The following PRKCB variants were observed in gnomAD, a reference collection of about 807,000 sequenced individuals.
PRKCB encodes protein kinase C beta, also known as protein kinase C beta type.
Under a neutral mutation model 81.5 loss-of-function variants are expected in PRKCB, and 13 were observed. The ratio of observed to expected loss-of-function variants is 0.16; its 90% confidence interval spans 0.10 to 0.25. The LOEUF is 0.25. PRKCB is among the 10% of genes least tolerant of loss of function. The probability of loss-of-function intolerance (pLI) is 1.00; values close to 1 mark genes in which losing one functional copy is unlikely to be tolerated. For missense variants in PRKCB, 509 were observed against 875.7 expected (o/e 0.58, Z 5.29); for synonymous variants, 335 against 321.4 (o/e 1.04, Z -0.45).
Position 24,209,373 on chromosome 16 carries a change from G to A in PRKCB, c.1864-5285G>A, listed in dbSNP as rs143502197. On this transcript the variant is annotated intron_variant, in intron 16 of 16. Coordinates refer to ENST00000643927, the MANE Select transcript of PRKCB (RefSeq NM_002738.7). Reference sequence around the variant, plus strand: ...ATGACTGCGGCAGTCTCTCCCCGATGCCACGGCCACCAATCTAGCTCCCCA... The same window carrying A: ...ATGACTGCGGCAGTCTCTCCCCGATACCACGGCCACCAATCTAGCTCCCCA... 5.7e-3 allele frequency among the ~76,000 whole-genome samples: 868 copies of A among 152,196 alleles called. 13 individuals are homozygous for A. Among genetic ancestry groups the A allele is most frequent in the African/African-American group, 0.02 (826 of 41,504 alleles).
chr16:24,081,246 T>C (rs1966245615), intron 5 of PRKCB, among the ~76,000 whole-genome samples: 1 of 151,374 alleles, frequency 6.6e-6, no homozygotes, highest in Non-Finnish European at 1.5e-5. Context: ...ATCCTGAGAA[T>C]GCAAGCTGGC....
chr16:24,084,865 C>T lies in PRKCB; in HGVS notation c.530-7926C>T, dbSNP rs191988493. On this transcript the variant is annotated intron_variant, in intron 5 of 16. Coordinates refer to ENST00000643927, the MANE Select transcript of PRKCB (RefSeq NM_002738.7). Reference sequence around the variant, plus strand: ...CCCAATAGGTTTGACAAGCAGTGTGCGGGACTTTGCTGTGGTTGGAGATCA... The same window carrying T: ...CCCAATAGGTTTGACAAGCAGTGTGTGGGACTTTGCTGTGGTTGGAGATCA... Among the ~76,000 whole-genome samples the T allele has an allele frequency of 2.7e-3, 416 of 152,134 alleles. 2 individuals are homozygous for T. The highest frequency in any genetic ancestry group is 9.0e-3 in the African/African-American group (372 of 41,492).
intron 5 of PRKCB, among the ~76,000 whole-genome samples, chr16:24,085,459 C>G (rs1172599200): frequency 2.6e-5 from 4 of 152,196 alleles, no homozygotes; most frequent in African/African-American, 7.2e-5. Context: ...TGTTGAGCCT[C>G]TGCCATGTGC....
intron 11 of PRKCB, among the ~76,000 whole-genome samples, chr16:24,172,983 G>A (rs570420637): frequency 7.9e-5 from 12 of 152,298 alleles, no homozygotes; most frequent in Middle Eastern, 3.4e-3. Context: ...TTACAAACAA[G>A]GAAATGGAGA....
intron 9 of PRKCB, among the ~76,000 whole-genome samples, chr16:24,147,938 T>C (rs1213892720): frequency 1.3e-5 from 2 of 152,214 alleles, no homozygotes; most frequent in African/African-American, 2.4e-5. Context: ...GCCCTTTTTT[T>C]CCTTGGCACA....
At chr16:24,059,977 AGAG>A (rs1374151538) in intron 5 of PRKCB, among the ~76,000 whole-genome samples, 3 of 152,168 alleles carry the variant, frequency 2.0e-5, no homozygotes, top group African/African-American at 4.8e-5. Context: ...GGATGTGGAA[AGAG>A]GAGTGTAGAC....
intron 3 of PRKCB, among the ~76,000 whole-genome samples, chr16:24,006,942 G>A (rs1965131395): frequency 6.6e-6 from 1 of 152,200 alleles, no homozygotes; most frequent in South Asian, 2.1e-4. Context: ...TTGGATGACA[G>A]GCTTCACCTG....
At chr16:23,947,693 C>G (rs1438305309) in intron 2 of PRKCB, among the ~76,000 whole-genome samples, 2 of 151,958 alleles carry the variant, frequency 1.3e-5, no homozygotes, top group African/African-American at 4.8e-5. Flanking sequence ...GGGTTCAATC[C>G]AAACCTTTTG....
chr16:23,843,740 C>T (rs1962308766), intron 2 of PRKCB, among the ~76,000 whole-genome samples: 1 of 141,056 alleles, frequency 7.1e-6, no homozygotes. Context: ...AATGATACTC[C>T]AGAGATACTG....
chr16:24,012,637 T>A (rs1010904226), intron 3 of PRKCB, among the ~76,000 whole-genome samples: 1 of 152,266 alleles, frequency 6.6e-6, no homozygotes, highest in Non-Finnish European at 1.5e-5. Flanking sequence ...TTGAAGTGGC[T>A]GCGAAGCAGG....
At chr16:23,882,118 A>C (rs1963133846) in intron 2 of PRKCB, among the ~76,000 whole-genome samples, 1 of 135,332 alleles carries the variant, frequency 7.4e-6, no homozygotes, top group African/African-American at 2.8e-5. Flanking sequence ...TGTTTCTCGC[A>C]GGCCAGGCTG....
chr16:24,204,903 C>T (rs556168310), intron 16 of PRKCB, among the ~76,000 whole-genome samples: 3 of 152,006 alleles, frequency 2.0e-5, no homozygotes, highest in South Asian at 2.1e-4. Context: ...GTGCAGATCA[C>T]GAGGTCAGGA....
rs149608576 is a variant in PRKCB, at chr16:24,028,727, C to T, written c.289-3409C>T. ...ACACTGTATCCATTCACACGTCGAA[C>T]GACATTTGGGTCCTTTCCAGTTTGG... On this transcript the variant is annotated intron_variant, in intron 3 of 16. Transcript: ENST00000643927. Among the ~76,000 whole-genome samples the T allele has an allele frequency of 9.3e-3, 1,411 of 152,278 alleles. 12 individuals are homozygous for T. Among genetic ancestry groups the T allele is most frequent in the Middle Eastern group, 0.045 (13 of 290 alleles).
In PRKCB at chr16:23,911,128, C is replaced by CTTTTTTTTTTT. The variant is rs567904157; in HGVS notation, c.205+73737_205+73747dup. 7.6e-4 allele frequency among the ~76,000 whole-genome samples: 24 copies of CTTTTTTTTTTT among 31,556 alleles called. 8 individuals are homozygous for CTTTTTTTTTTT. The highest frequency in any genetic ancestry group is 2.6e-3 in the East Asian group (2 of 778). 20.7% of individuals were successfully genotyped at this position (31,556 alleles called of 152,430 possible). On this transcript the variant is annotated intron_variant, in intron 2 of 16. Transcript: ENST00000643927. The stretch of plus-strand genomic sequence containing the variant: ...ATAAATAGCCATAAACGTATATATG[C>CTTTTTTTTTTT]TTTTTTTTTTTTTTTTTTTTTTTTT...
At chr16:24,052,644 C>T (rs935102764) in intron 5 of PRKCB, among the ~76,000 whole-genome samples, 10 of 152,164 alleles carry the variant, frequency 6.6e-5, no homozygotes, top group South Asian at 2.1e-4. Context: ...GTTGCCATGA[C>T]GATTGTAAAC....
At chr16:24,058,429 A>T (rs1239852022) in intron 5 of PRKCB, among the ~76,000 whole-genome samples, 1 of 152,098 alleles carries the variant, frequency 6.6e-6, no homozygotes, top group Non-Finnish European at 1.5e-5. Flanking sequence ...TTAAAAAAAA[A>T]AACCAAAAAC....
At chr16:23,922,269 T>C (rs1490268600) in intron 2 of PRKCB, among the ~76,000 whole-genome samples, 1 of 152,154 alleles carries the variant, frequency 6.6e-6, no homozygotes, top group Non-Finnish European at 1.5e-5. Flanking sequence ...CAGGAACCCA[T>C]GTTGAATTGA....
chr16:24,176,853 C>T (rs917683907), intron 12 of PRKCB, among the ~76,000 whole-genome samples: 6 of 150,702 alleles, frequency 4.0e-5, no homozygotes, highest in Non-Finnish European at 1.5e-5. Context: ...GAGATCACCC[C>T]GTTGCACTCC....
At chr16:24,014,345 C>T (rs4787651) in intron 3 of PRKCB, among the ~76,000 whole-genome samples, 38,998 of 151,874 alleles carry the variant, frequency 0.26, 5,139 homozygotes, top group Middle Eastern at 0.33. Context: ...GGGTGTGATC[C>T]GTTGCCATGT....
Sources: allele counts gnomAD v4.1 joint callset (sites outside exome capture counted in the v4.1 genomes callset), GRCh38; gene constraint gnomAD v4.1.1; transcripts MANE v1.5; gene names NCBI Gene and HGNC (gene_info 2026-07-23, HGNC 2026-07-21).